Variants in RTN1 observed in about 807,000 individuals in gnomAD.
RTN1 encodes the protein reticulon 1.
A neutral mutation model predicts 65.5 loss-of-function variants in RTN1; 25 were observed. That is an observed-to-expected ratio of 0.38 (90% CI 0.28 to 0.53). The LOEUF (loss-of-function observed/expected upper bound fraction) is 0.53, where lower values mean the gene tolerates loss of function less well. Ranked by LOEUF, RTN1 falls within the 20% of genes least tolerant of loss-of-function variation. The probability of loss-of-function intolerance (pLI) is 0.79; values close to 1 mark genes in which losing one functional copy is unlikely to be tolerated. For synonymous variants in RTN1, 471 were observed against 447.6 expected, an observed-to-expected ratio of 1.05 and a Z score of -0.66; for missense variants, 983 against 1,025.4, an observed-to-expected ratio of 0.96 and a Z score of 0.57.
At chr14:59,726,817 CA>C (rs1434963586) in intron 3 of RTN1, 101 bp downstream of exon 3, 30 of 962,280 alleles carry the variant, frequency 3.1e-5, no homozygotes, top group Non-Finnish European at 4.6e-5. Flanking sequence ...GTTTGATCAG[CA>C]TGGGGATGAC....
At chr14:59,834,477 T>C (rs563531408) in intron 1 of RTN1, among the ~76,000 whole-genome samples, 16 of 152,298 alleles carry the variant, frequency 1.1e-4, no homozygotes, top group Admixed American at 3.3e-4. Context: ...AAAGGACTTG[T>C]GTGCAGAATA....
intron 3 of RTN1, among the ~76,000 whole-genome samples, chr14:59,691,128 A>T (rs1003146394): frequency 4.6e-5 from 7 of 152,140 alleles, no homozygotes; most frequent in Non-Finnish European, 1.0e-4. Context: ...AATCCATGCA[A>T]ACCTAACAAA....
chr14:59,664,489 C>T lies in RTN1; in HGVS notation c.1766-56997G>A, dbSNP rs143813831. On this transcript the variant is annotated intron_variant, in intron 3 of 8. Transcript: ENST00000267484. ...AATAAAAAAAGTCACAAAATAACCA[C>T]AATATGATAAAATTAAATGCATCTG... Among the ~76,000 whole-genome samples the T allele has an allele frequency of 1.6e-3, 247 of 152,130 alleles. 1 individual carries two copies. The highest frequency in any genetic ancestry group is 5.8e-3 in the African/African-American group (242 of 41,520).
At chr14:59,782,280 T>C (rs1250909977) in intron 1 of RTN1, among the ~76,000 whole-genome samples, 26 of 152,168 alleles carry the variant, frequency 1.7e-4, no homozygotes, top group Admixed American at 1.6e-3. Context: ...GAAGAGTACA[T>C]AGACTCACAG....
chr14:59,610,281 G>C (rs79889367), intron 3 of RTN1: 9 of 609,380 alleles, frequency 1.5e-5, no homozygotes, highest in Non-Finnish European at 2.7e-5. Context: ...GTGTAGGGTC[G>C]TCTCTTAGCA....
At chr14:59,720,826 T>C (rs768283750) in intron 3 of RTN1, among the ~76,000 whole-genome samples, 1 of 151,984 alleles carries the variant, frequency 6.6e-6, no homozygotes, top group Non-Finnish European at 1.5e-5. Context: ...TATCCAGCAG[T>C]TACTGGTCCA....
At chr14:59,619,372 T>A (rs1385275515) in intron 3 of RTN1, among the ~76,000 whole-genome samples, 1 of 152,162 alleles carries the variant, frequency 6.6e-6, no homozygotes, top group African/African-American at 2.4e-5. Flanking sequence ...AGATCAGAGA[T>A]GAAATGAGGC....
intron 3 of RTN1, among the ~76,000 whole-genome samples, chr14:59,684,611 A>G (rs367692587): frequency 6.6e-6 from 1 of 152,088 alleles, no homozygotes; most frequent in South Asian, 2.1e-4. Context: ...CATGCTTTAT[A>G]GGTCATATTC....
chr14:59,708,943 T>C (rs1455259485), intron 3 of RTN1, among the ~76,000 whole-genome samples: 7 of 152,226 alleles, frequency 4.6e-5, no homozygotes, highest in African/African-American at 9.6e-5. Flanking sequence ...ATTCTTATTA[T>C]AGTTAATGTA....
chr14:59,739,903 C>A (rs1169512651), intron 2 of RTN1, among the ~76,000 whole-genome samples: 1 of 152,110 alleles, frequency 6.6e-6, no homozygotes, highest in Non-Finnish European at 1.5e-5. Context: ...TCTAACCACC[C>A]AAACTGCTAG....
rs550232732 is a variant in RTN1 at position 59,646,023 on chromosome 14, G to C, written c.1766-38531C>G. On this transcript the variant is annotated intron_variant, in intron 3 of 8. Transcript: ENST00000267484. ...TACTGATAGGAACAAAGATCATTGA[G>C]GTTCCAGAGAATGGCAAAATCCAAT... Among the ~76,000 whole-genome samples, 20 of 152,290 alleles carry C rather than the reference G, an allele frequency of 1.3e-4. 1 individual carries two copies. Among genetic ancestry groups the C allele is most frequent in the Admixed American group, 1.1e-3 (17 of 15,304 alleles).
At chr14:59,864,484 A>G (rs1405213898) in intron 1 of RTN1, among the ~76,000 whole-genome samples, 1 of 151,902 alleles carries the variant, frequency 6.6e-6, no homozygotes, top group African/African-American at 2.4e-5. Flanking sequence ...ACAATACTTA[A>G]TCATCCCTTG....
At chr14:59,749,016 T>C (rs1199392825) in intron 1 of RTN1, among the ~76,000 whole-genome samples, 2 of 150,020 alleles carry the variant, frequency 1.3e-5, no homozygotes, top group Non-Finnish European at 1.5e-5. Flanking sequence ...CTCGAACTCC[T>C]GACCTCAGGT....
chr14:59,641,844 T>A (rs1354941324), intron 3 of RTN1, among the ~76,000 whole-genome samples: 1 of 152,240 alleles, frequency 6.6e-6, no homozygotes, highest in East Asian at 1.9e-4. Flanking sequence ...ATATCATTGG[T>A]GCTATAAACA....
At chr14:59,612,964 G>A (rs1881998671) in intron 3 of RTN1, among the ~76,000 whole-genome samples, 1 of 152,186 alleles carries the variant, frequency 6.6e-6, no homozygotes, top group South Asian at 2.1e-4. Context: ...GGGTTCAATT[G>A]TTGGCTTCTG....
At position 59,678,933 on chromosome 14, in the gene RTN1, G is replaced by T. The variant is rs116329397; in HGVS notation, c.1765+47986C>A. Among the ~76,000 whole-genome samples the T allele has an allele frequency of 1.8e-3, 270 of 152,300 alleles. 1 individual carries two copies. Among genetic ancestry groups the T allele is most frequent in the African/African-American group, 5.9e-3 (246 of 41,562 alleles). ...CCAGGTAATTCTTATGCACATATAA[G>T]TTTAAGGACCATAGATACAGGTGCA... On this transcript the variant is annotated intron_variant, in intron 3 of 8. Coordinates refer to ENST00000267484, the MANE Select transcript of RTN1 (RefSeq NM_021136.3).
intron 1 of RTN1, among the ~76,000 whole-genome samples, chr14:59,761,037 C>G (rs1238817750): frequency 6.6e-6 from 1 of 152,164 alleles, no homozygotes; most frequent in Admixed American, 6.5e-5. Context: ...TAGCCGCTGC[C>G]CACACTATTA....
chr14:59,743,877 G>A (rs925131873), intron 2 of RTN1, among the ~76,000 whole-genome samples: 1 of 152,150 alleles, frequency 6.6e-6, no homozygotes, highest in Non-Finnish European at 1.5e-5. Context: ...TGGTCCCCTG[G>A]AGGCAGGGAC....
At chr14:59,715,611 A>G (rs2139461475) in intron 3 of RTN1, among the ~76,000 whole-genome samples, 1 of 152,308 alleles carries the variant, frequency 6.6e-6, no homozygotes, top group South Asian at 2.1e-4. Flanking sequence ...GGATCACTTG[A>G]GGTCAGGAGT....
Sources: allele counts gnomAD v4.1 joint callset (sites outside exome capture counted in the v4.1 genomes callset), GRCh38; gene constraint gnomAD v4.1.1; transcripts MANE v1.5; gene names NCBI Gene and HGNC (gene_info 2026-07-23, HGNC 2026-07-21).